The following DMRT1 variants were observed in gnomAD, a reference collection of about 807,000 sequenced individuals.
DMRT1 encodes the protein doublesex- and mab-3-related transcription factor 1.
Under a neutral mutation model 32.3 loss-of-function variants are expected in DMRT1, and 7 were observed. The ratio of observed to expected loss-of-function variants is 0.22; its 90% CI spans 0.12 to 0.41. The LOEUF (loss-of-function observed/expected upper bound fraction) is 0.41, where lower values mean the gene tolerates loss of function less well. Ranked by LOEUF, DMRT1 falls within the 10% of genes least tolerant of loss-of-function variation. The probability of loss-of-function intolerance (pLI) is 1.00; values close to 1 mark genes in which losing one functional copy is unlikely to be tolerated. For missense variants in DMRT1, 625 were observed against 500.5 expected (o/e 1.25, Z -2.37); for synonymous variants, 278 against 206.1 (o/e 1.35, Z -2.99).
At chr9:944,534 T>A (rs939789231) in intron 4 of DMRT1, among the ~76,000 whole-genome samples, 1 of 152,248 alleles carries the variant, frequency 6.6e-6, no homozygotes, top group African/African-American at 2.4e-5. Flanking sequence ...TCCTCCTGAT[T>A]GTTTGCATTT....
intron 3 of DMRT1, among the ~76,000 whole-genome samples, chr9:902,960 A>T (rs1413585703): frequency 6.6e-6 from 1 of 152,104 alleles, no homozygotes; most frequent in Non-Finnish European, 1.5e-5. Context: ...TGTTTAAGGA[A>T]ATGCAACTCC....
chr9:910,055 G>C lies in DMRT1; in HGVS notation c.823-6708G>C, dbSNP rs796554817. Among the ~76,000 whole-genome samples, 9 of 152,210 alleles carry C rather than the reference G, an allele frequency of 5.9e-5. 1 individual carries two copies. Among genetic ancestry groups the C allele is most frequent in the African/African-American group, 2.2e-4 (9 of 41,510 alleles). Reference sequence around the variant, plus strand: ...TGTTTAAATATCAGTTTGCAATTAGGAATGTTATCCTATAGAATAACTCTT... The same window carrying C: ...TGTTTAAATATCAGTTTGCAATTAGCAATGTTATCCTATAGAATAACTCTT... On this transcript the variant is annotated intron_variant, in intron 3 of 4. Transcript: ENST00000382276.
chr9:911,839 A>G (rs1818001733), intron 3 of DMRT1, among the ~76,000 whole-genome samples: 3 of 152,112 alleles, frequency 2.0e-5, no homozygotes, highest in South Asian at 4.1e-4. Flanking sequence ...ACATGCACTT[A>G]GAAACACATA....
In DMRT1 at chr9:868,979, C is replaced by G. The variant is rs1816113111; in HGVS notation, c.538+21836C>G. Among the ~76,000 whole-genome samples the G allele has an allele frequency of 2.6e-5, 4 of 151,980 alleles. No homozygotes were observed. The East Asian group carries it at 5.8e-4, about 22-fold the overall frequency. ...TGAACCATGATCGTGCCACCTCACTCCAGCCTGGGTGACAGAGTGAGACAC... is the reference window on the plus strand; with the variant it reads ...TGAACCATGATCGTGCCACCTCACTGCAGCCTGGGTGACAGAGTGAGACAC... On this transcript the variant is annotated intron_variant, in intron 2 of 4. Transcript: ENST00000382276.
chr9:857,386 T>C (rs889070445), intron 2 of DMRT1, among the ~76,000 whole-genome samples: 1 of 152,176 alleles, frequency 6.6e-6, no homozygotes, highest in Non-Finnish European at 1.5e-5. Flanking sequence ...CCTTTCTTAC[T>C]TGTCACAGAG....
At chr9:888,446 A>G (rs1030272047) in intron 2 of DMRT1, among the ~76,000 whole-genome samples, 2 of 152,038 alleles carry the variant, frequency 1.3e-5, no homozygotes, top group Non-Finnish European at 2.9e-5. Flanking sequence ...GGCTGGGACT[A>G]CAGGCATGCA....
At chr9:962,972 T>TA (rs1339327942) in intron 4 of DMRT1, among the ~76,000 whole-genome samples, 1 of 152,196 alleles carries the variant, frequency 6.6e-6, no homozygotes, top group Admixed American at 6.5e-5. Context: ...TTTTGAGAGT[T>TA]AAAAAATTGG....
chr9:890,085 G>GTTTTTTTTTTTTTT lies in DMRT1; in HGVS notation c.539-3819_539-3806dup, dbSNP rs35228255. Among the ~76,000 whole-genome samples, 30 of 102,992 alleles carry GTTTTTTTTTTTTTT rather than the reference G, an allele frequency of 2.9e-4. 2 individuals are homozygous for GTTTTTTTTTTTTTT. Among genetic ancestry groups the GTTTTTTTTTTTTTT allele is most frequent in the African/African-American group, 1.1e-3 (28 of 26,216 alleles). The allele number at this position is 102,992 out of a possible 152,430, so 67.6% of individuals were successfully genotyped here. A position where few individuals can be genotyped will look rare whatever the true frequency, so the allele number is the denominator to read the frequency against. On this transcript the variant is annotated intron_variant, in intron 2 of 4. Coordinates refer to ENST00000382276, the MANE Select transcript of DMRT1 (RefSeq NM_021951.3). ...ACCACCACTTAACGCCACCAAACGT[G>GTTTTTTTTTTTTTT]TTTTTTTTTTTTTTTTTTTTTGAGC... is the stretch of plus-strand genomic sequence containing the variant.
intron 4 of DMRT1, among the ~76,000 whole-genome samples, chr9:954,614 G>T (rs113882755): frequency 5.6e-5 from 8 of 142,688 alleles, no homozygotes; most frequent in African/African-American, 2.4e-4. Context: ...TTTTTTGTTT[G>T]TTTTTTTGTT....
At chr9:963,273 C>A (rs1046939799) in intron 4 of DMRT1, among the ~76,000 whole-genome samples, 3 of 152,182 alleles carry the variant, frequency 2.0e-5, no homozygotes, top group African/African-American at 7.2e-5. Context: ...GCAGAGCTAG[C>A]CCCCTTCAAA....
At chr9:898,315 T>C (rs908109582) in intron 3 of DMRT1, among the ~76,000 whole-genome samples, 3 of 152,112 alleles carry the variant, frequency 2.0e-5, no homozygotes, top group Admixed American at 6.5e-5. Flanking sequence ...ACATGGGGTT[T>C]CACCATGTTG....
chr9:933,387 G>GGACAAA (rs1478033123), intron 4 of DMRT1, among the ~76,000 whole-genome samples: 1 of 152,188 alleles, frequency 6.6e-6, no homozygotes, highest in Non-Finnish European at 1.5e-5. Context: ...CAGGAACCCA[G>GGACAAA]GACAAAGACC....
intron 3 of DMRT1, among the ~76,000 whole-genome samples, chr9:904,863 A>G (rs1817710833): frequency 6.6e-6 from 1 of 151,146 alleles, no homozygotes; most frequent in African/African-American, 2.4e-5. Flanking sequence ...AATCGCTTGG[A>G]CCAGGGAGGC....
At chr9:937,136 G>A (rs376220790) in intron 4 of DMRT1, among the ~76,000 whole-genome samples, 2 of 152,286 alleles carry the variant, frequency 1.3e-5, no homozygotes, top group East Asian at 1.9e-4. Flanking sequence ...ACTAAGCACG[G>A]TGTTTTCAAG....
At chr9:856,372 G>A (rs1815401275) in intron 2 of DMRT1, among the ~76,000 whole-genome samples, 1 of 152,104 alleles carries the variant, frequency 6.6e-6, no homozygotes, top group Non-Finnish European at 1.5e-5. Flanking sequence ...TCTGGTTTTG[G>A]AACATTTCAG....
At chr9:851,444 G>A (rs1045957267) in intron 2 of DMRT1, among the ~76,000 whole-genome samples, 3 of 151,970 alleles carry the variant, frequency 2.0e-5, no homozygotes, top group African/African-American at 7.2e-5. Flanking sequence ...TCACCATGTT[G>A]GTCAGGCTGG....
chr9:847,655 A>C (rs1838964109), intron 2 of DMRT1, among the ~76,000 whole-genome samples: 2 of 126,988 alleles, frequency 1.6e-5, no homozygotes, highest in South Asian at 2.5e-4. Context: ...ACACATGTGA[A>C]ACCTGAGACA....
chr9:952,586 G>T (rs1012641784), intron 4 of DMRT1, among the ~76,000 whole-genome samples: 2 of 152,200 alleles, frequency 1.3e-5, no homozygotes, highest in African/African-American at 4.8e-5. Context: ...GAAATTAGCA[G>T]ATTACTTATG....
At chr9:926,940 G>C (rs1395549355) in intron 4 of DMRT1, among the ~76,000 whole-genome samples, 2 of 152,182 alleles carry the variant, frequency 1.3e-5, no homozygotes, top group African/African-American at 2.4e-5. Flanking sequence ...TACTCATTTA[G>C]AGACCATTTG....
Sources: allele counts gnomAD v4.1 joint callset (sites outside exome capture counted in the v4.1 genomes callset), GRCh38; gene constraint gnomAD v4.1.1; transcripts MANE v1.5; gene names NCBI Gene and HGNC (gene_info 2026-07-23, HGNC 2026-07-21).